The following CAMKV variants were observed in gnomAD, a reference collection of about 807,000 sequenced individuals.
CAMKV encodes CaM kinase like vesicle associated, also known as caM kinase-like vesicle-associated protein.
In CAMKV, 5 loss-of-function variants were observed where a neutral mutation model predicts 50.2. The observed-to-expected ratio is 0.10, with a 90% CI of 0.05 to 0.21. The LOEUF is 0.21. Among genes scored for constraint, CAMKV ranks in the 10% least tolerant of loss-of-function variants. The pLI is 1.00. For synonymous variants in CAMKV, 229 were observed against 250.1 expected, an observed-to-expected ratio of 0.92 and a Z score of 0.80; for missense variants, 361 against 650.5, an observed-to-expected ratio of 0.55 and a Z score of 4.84.
chr3:49,868,975 A>C (rs1488751093), intron 1 of CAMKV, among the ~76,000 whole-genome samples: 1 of 152,112 alleles, frequency 6.6e-6, no homozygotes, highest in African/African-American at 2.4e-5. Flanking sequence ...GTCTCTGCCA[A>C]ACAGTACAAG....
intron 1 of CAMKV, among the ~76,000 whole-genome samples, chr3:49,864,914 C>A (rs1473195651): frequency 1.3e-5 from 2 of 152,178 alleles, no homozygotes; most frequent in Non-Finnish European, 2.9e-5. Context: ...CATAGCCAAC[C>A]CTGGCTGCTA....
chr3:49,861,308 G>GT lies in CAMKV; in HGVS notation c.442-9dup, dbSNP rs2082019439. 3.7e-6 allele frequency: 6 copies of GT among 1,614,036 alleles called. No individual in the cohort carries two copies. The South Asian group carries it at 6.6e-5, about 18-fold the overall frequency. On this transcript the variant is annotated splice_polypyrimidine_tract_variant and intron_variant, in intron 5 of 10. Coordinates refer to ENST00000477224, the MANE Select transcript of CAMKV (RefSeq NM_024046.5). The surrounding 1 kb of genome is among the most constrained non-coding windows in gnomAD (Gnocchi z 7.7). ...GTAAACCAGGTTCTCCAGCTGTGGT[G>GT]TGAGAATAGCATGTGGGTGAGCAGA...
chr3:49,858,241 C>T lies in CAMKV; in HGVS notation c.*1077G>A, dbSNP rs2081992703. 1 of 398,512 alleles carries T rather than the reference C, an allele frequency of 2.5e-6. No individual in the cohort carries two copies. The highest frequency in any genetic ancestry group is 2.1e-5 in the African/African-American group (1 of 48,638). The allele number at this position is 398,512 out of a possible 1,614,324, so 24.7% of individuals were successfully genotyped here. On this transcript the variant is annotated 3_prime_UTR_variant, in exon 11 of 11. Coordinates refer to ENST00000477224, the MANE Select transcript of CAMKV (RefSeq NM_024046.5). Reference sequence around the variant, plus strand: ...CTTCCTCATCCCAGAAAAAGCAACTCAATGTGGCTCTGAGGCACCTGGGCC... The same window carrying T: ...CTTCCTCATCCCAGAAAAAGCAACTTAATGTGGCTCTGAGGCACCTGGGCC...
At position 49,861,404 on chromosome 3, in the gene CAMKV, G is replaced by A. The variant is rs2082020079; in HGVS notation, c.441+35C>T. ...TGCCCACCCCAGCACCAGCCCAGCTGCCAACTGGCCCTTTGACTCTGGCTC... is the reference window on the plus strand; with the variant it reads ...TGCCCACCCCAGCACCAGCCCAGCTACCAACTGGCCCTTTGACTCTGGCTC... On this transcript the variant is annotated intron_variant, in intron 5 of 10. Transcript: ENST00000477224. The surrounding 1 kb of genome is among the most constrained non-coding windows in gnomAD (Gnocchi z 7.7). The A allele has an allele frequency of 1.2e-6, 2 of 1,613,374 alleles. No homozygotes were observed. The highest frequency in any genetic ancestry group is 1.7e-6 in the Non-Finnish European group (2 of 1,179,698).
Position 49,862,384 on chromosome 3 carries a change from G to A in CAMKV, c.5C>T (p.Pro2Leu). The change falls in exon 2 of 11, where the codon CCG (proline) becomes CTG (leucine). Residue 2 changes from proline (P) to leucine (L), a missense_variant. Coordinates refer to ENST00000477224, the MANE Select transcript of CAMKV (RefSeq NM_024046.5). This position sits in a 1 kb window ranked among gnomAD's most constrained non-coding sequence, Gnocchi z 5.2. M[P>L]FGCVTLGDKK... is the part of the protein sequence containing the mutation. The stretch of plus-strand genomic sequence containing the variant: ...GTCGCCCAGAGTCACACACCCAAAC[G>A]GCATTGCCAGGCTCTAACCTGCGGG... 1.2e-6 allele frequency: 2 copies of A among 1,613,984 alleles called. No individual in the cohort carries two copies. The highest frequency in any genetic ancestry group is 1.7e-6 in the Non-Finnish European group (2 of 1,179,880).
intron 1 of CAMKV, among the ~76,000 whole-genome samples, chr3:49,866,322 G>T (rs1214256728): frequency 4.6e-5 from 7 of 152,222 alleles, no homozygotes; most frequent in Non-Finnish European, 4.4e-5. Context: ...GGAGACCTGG[G>T]AGGAACAGCC....
intron 1 of CAMKV, among the ~76,000 whole-genome samples, chr3:49,866,381 T>A (rs561868630): frequency 6.6e-6 from 1 of 152,136 alleles, no homozygotes; most frequent in Non-Finnish European, 1.5e-5. Context: ...GGGGTTTGTA[T>A]TTTTCACCCC....
chr3:49,863,384 T>C (rs918187860), intron 1 of CAMKV: 1 of 152,302 alleles, frequency 6.6e-6, no homozygotes, highest in African/African-American at 2.4e-5. Context: ...TAGAGACAAG[T>C]CTCACTATGT....
chr3:49,863,072 G>C (rs1285884224), intron 1 of CAMKV, among the ~76,000 whole-genome samples: 1 of 152,164 alleles, frequency 6.6e-6, no homozygotes, highest in Non-Finnish European at 1.5e-5. Flanking sequence ...ATATAGCAAT[G>C]GAAACAAAGG....
At position 49,860,267 on chromosome 3, in the gene CAMKV, G is replaced by A. The variant is rs752307047; in HGVS notation, c.855-9C>T. 2 of 1,612,998 alleles carry A rather than the reference G, an allele frequency of 1.2e-6. No individual in the cohort carries two copies. The highest frequency in any genetic ancestry group is 1.7e-6 in the Non-Finnish European group (2 of 1,179,090). ...CAGCATTGCCAGAAATCCTGGAAAGGGTGCAAGTGTGTCTGGATCTGAGAG... is the reference window on the plus strand; with the variant it reads ...CAGCATTGCCAGAAATCCTGGAAAGAGTGCAAGTGTGTCTGGATCTGAGAG... On this transcript the variant is annotated splice_polypyrimidine_tract_variant and intron_variant, in intron 9 of 10. Coordinates refer to ENST00000477224, the MANE Select transcript of CAMKV (RefSeq NM_024046.5). This position sits in a 1 kb window ranked among gnomAD's most constrained non-coding sequence, Gnocchi z 6.1.
chr3:49,861,050 A>G lies in CAMKV; in HGVS notation c.563-32T>C, dbSNP rs761930579. The G allele has an allele frequency of 2.5e-6, 4 of 1,613,628 alleles. No homozygotes were observed. In the Admixed American group the frequency reaches 6.7e-5, roughly 27 times the overall value. On this transcript the variant is annotated intron_variant, in intron 6 of 10. Coordinates refer to ENST00000477224, the MANE Select transcript of CAMKV (RefSeq NM_024046.5). The surrounding 1 kb of genome is among the most constrained non-coding windows in gnomAD (Gnocchi z 7.7). ...ACACAGCGCCCATCTGCTGGTCAGTATCAGGCCTAGCCAGGTCCAGTACCA... is the reference window on the plus strand; with the variant it reads ...ACACAGCGCCCATCTGCTGGTCAGTGTCAGGCCTAGCCAGGTCCAGTACCA...
chr3:49,866,936 C>T (rs914668490), intron 1 of CAMKV, among the ~76,000 whole-genome samples: 1 of 152,228 alleles, frequency 6.6e-6, no homozygotes, highest in African/African-American at 2.4e-5. Flanking sequence ...CTACCTTGGT[C>T]CCCTGCCACG....
rs1559457032 is a variant in CAMKV, at chr3:49,862,265, C to A, written c.95+29G>T. 1.2e-6 allele frequency: 2 copies of A among 1,614,170 alleles called. No homozygotes were observed. Among genetic ancestry groups the A allele is most frequent in the Non-Finnish European group, 1.7e-6 (2 of 1,180,002 alleles). On this transcript the variant is annotated intron_variant, in intron 2 of 10. Transcript: ENST00000477224. The surrounding 1 kb of genome is among the most constrained non-coding windows in gnomAD (Gnocchi z 5.2). ...CCTAGCCCCTGCTCACCAGCCCACC[C>A]AGCCTTGCCTGACAGGCCCGGCACT...
Position 49,862,539 on chromosome 3 carries a change from G to A in CAMKV, c.-14-137C>T. On this transcript the variant is annotated intron_variant, in intron 1 of 10. Coordinates refer to ENST00000477224, the MANE Select transcript of CAMKV (RefSeq NM_024046.5). This position sits in a 1 kb window ranked among gnomAD's most constrained non-coding sequence, Gnocchi z 5.2. ...CATACCAGGAGGGGCTAGAGGATAG[G>A]CAGGCTTAGATCCTACCCCTGCTTT... 1 of 727,094 alleles carries A rather than the reference G, an allele frequency of 1.4e-6. No individual in the cohort carries two copies. Among genetic ancestry groups the A allele is most frequent in the Non-Finnish European group, 2.4e-6 (1 of 421,638 alleles). 45.0% of individuals were successfully genotyped at this position (727,094 alleles called of 1,614,324 possible). A position where few individuals can be genotyped will look rare whatever the true frequency, so the allele number is the denominator to read the frequency against.
At chr3:49,865,251 G>C (rs2082055291) in intron 1 of CAMKV, among the ~76,000 whole-genome samples, 1 of 152,200 alleles carries the variant, frequency 6.6e-6, no homozygotes. Context: ...GCTGAGAGCA[G>C]AGGCATAGCC....
Position 49,862,492 on chromosome 3 carries a change from A to G in CAMKV, c.-14-90T>C. On this transcript the variant is annotated intron_variant, in intron 1 of 10. Transcript: ENST00000477224. The surrounding 1 kb of genome is among the most constrained non-coding windows in gnomAD (Gnocchi z 5.2). ...CTTTTGGGAGACCCCAACCTGGCTCAGGCCAAGCTAGGGGCAGAGACCATA... is the reference window on the plus strand; with the variant it reads ...CTTTTGGGAGACCCCAACCTGGCTCGGGCCAAGCTAGGGGCAGAGACCATA... 9.3e-7 allele frequency: 1 copy of G among 1,074,112 alleles called. No homozygotes were observed. Among genetic ancestry groups the G allele is most frequent in the Admixed American group, 1.8e-5 (1 of 55,098 alleles). 66.5% of individuals were successfully genotyped at this position (1,074,112 alleles called of 1,614,324 possible).
rs1212860694 is a variant in CAMKV, at chr3:49,859,784, G to A, written c.1040C>T (p.Thr347Ile). 1.3e-6 allele frequency: 2 copies of A among 1,556,010 alleles called. No individual in the cohort carries two copies. Among genetic ancestry groups the A allele is most frequent in the South Asian group, 1.2e-5 (1 of 81,804 alleles). The change falls in exon 11 of 11, where the codon ACC becomes ATC. Residue 347 changes from threonine (T) to isoleucine (I), a missense_variant. Transcript: ENST00000477224. This position sits in a 1 kb window ranked among gnomAD's most constrained non-coding sequence, Gnocchi z 5.5. ...AQSASATDTA[T>I]PGAAGGATAA... ...TGTGGCCCCACCTGCAGCCCCGGGG[G>A]TGGCAGTGTCTGTGGCTGAGGCCGA...
At chr3:49,864,430 G>A (rs1280873233) in intron 1 of CAMKV, among the ~76,000 whole-genome samples, 19 of 152,142 alleles carry the variant, frequency 1.2e-4, no homozygotes, top group South Asian at 2.1e-4. Flanking sequence ...CTCAGTGAGC[G>A]CTAGGCACTC....
chr3:49,864,062 A>T (rs1575408514), intron 1 of CAMKV, among the ~76,000 whole-genome samples: 2 of 152,200 alleles, frequency 1.3e-5, no homozygotes, highest in African/African-American at 4.8e-5. Flanking sequence ...AAAGAATTGG[A>T]TGTCAAAAAG....
Sources: allele counts gnomAD v4.1 joint callset (sites outside exome capture counted in the v4.1 genomes callset), GRCh38; gene constraint gnomAD v4.1.1; non-coding constraint Gnocchi (gnomAD v3.1); transcripts MANE v1.5; gene names NCBI Gene and HGNC (gene_info 2026-07-23, HGNC 2026-07-21).